Variants in SMARCA4 observed in about 807,000 individuals in gnomAD.
SMARCA4 encodes SWI/SNF-related matrix-associated actin-dependent regulator of chromatin subfamily A member 4.
In SMARCA4, 31 loss-of-function variants were observed where a neutral mutation model predicts 193.9. The observed-to-expected ratio is 0.16, with a 90% CI of 0.12 to 0.22. The LOEUF is 0.22. Ranked by LOEUF, SMARCA4 falls within the 10% of genes least tolerant of loss-of-function variation. The pLI, the probability that SMARCA4 is intolerant of heterozygous loss-of-function variation, is 1.00. For missense variants in SMARCA4, 1,148 were observed against 2,296.0 expected (o/e 0.50, Z 10.22); for synonymous variants, 942 against 933.1 (o/e 1.01, Z -0.17).
chr19:11,054,069 A>G (rs2076408172), intron 30 of SMARCA4, among the ~76,000 whole-genome samples: 1 of 152,324 alleles, frequency 6.6e-6, no homozygotes, highest in East Asian at 1.9e-4. Flanking sequence ...TCTGCACAAC[A>G]AGGAAACGTG....
chr19:10,961,567 C>G (rs537391587), intron 1 of SMARCA4: 2 of 152,324 alleles, frequency 1.3e-5, no homozygotes, highest in Non-Finnish European at 2.9e-5. Flanking sequence ...TGCGTGGTAA[C>G]GGGTCCGACC....
intron 21 of SMARCA4, among the ~76,000 whole-genome samples, chr19:11,024,766 G>A (rs2146482411): frequency 6.6e-6 from 1 of 152,224 alleles, no homozygotes; most frequent in South Asian, 2.1e-4. Flanking sequence ...GTCTCCTGCA[G>A]GGGCTGCTCT....
intron 1 of SMARCA4, among the ~76,000 whole-genome samples, chr19:10,974,178 C>T (rs932195032): frequency 1.3e-5 from 2 of 152,160 alleles, no homozygotes; most frequent in African/African-American, 4.8e-5. Context: ...TGCTGGTTAG[C>T]AACCTGCCCT....
At chr19:11,039,064 A>C (rs1207315022) in intron 29 of SMARCA4, among the ~76,000 whole-genome samples, 2 of 151,976 alleles carry the variant, frequency 1.3e-5, no homozygotes, top group East Asian at 3.9e-4. Flanking sequence ...TCTATTAAAA[A>C]AAAAAATGCC....
chr19:11,058,892 G>A lies in SMARCA4; in HGVS notation c.4635+3G>A, dbSNP rs1568562563. 6.2e-7 allele frequency: 1 copy of A among 1,612,724 alleles called. No individual in the cohort carries two copies. The highest frequency in any genetic ancestry group is 8.5e-7 in the Non-Finnish European group (1 of 1,178,900). On this transcript the variant is annotated splice_donor_region_variant and intron_variant, in intron 32 of 34. Transcript: ENST00000344626. The surrounding 1 kb of genome is among the most constrained non-coding windows in gnomAD (Gnocchi z 5.8). ...CCTTCAACCTGGAGGGCTCCCTGGTGAGGGCACCGCTGGGGGTTGGGGATG... is the reference window on the plus strand; with the variant it reads ...CCTTCAACCTGGAGGGCTCCCTGGTAAGGGCACCGCTGGGGGTTGGGGATG...
chr19:10,978,349 T>G (rs1371569572), intron 1 of SMARCA4, among the ~76,000 whole-genome samples: 2 of 152,114 alleles, frequency 1.3e-5, no homozygotes, highest in Non-Finnish European at 2.9e-5. Context: ...TTCTGTTTGT[T>G]GAGATGGAGG....
intron 1 of SMARCA4, among the ~76,000 whole-genome samples, chr19:10,971,541 G>A (rs924042670): frequency 6.6e-6 from 1 of 151,070 alleles, no homozygotes; most frequent in East Asian, 1.9e-4. Flanking sequence ...GTCACCCAGC[G>A]GGGAGTACAG....
chr19:11,020,280 G>A (rs2089743847), intron 18 of SMARCA4, among the ~76,000 whole-genome samples: 2 of 152,160 alleles, frequency 1.3e-5, no homozygotes, highest in Admixed American at 6.5e-5. Flanking sequence ...ATACGGCCCA[G>A]ATAGAAAACA....
chr19:11,007,773 T>C, intron 13 of SMARCA4, 129 bp from the exon 14 acceptor site: 1 of 857,900 alleles, frequency 1.2e-6, no homozygotes. Flanking sequence ...ACAGCACACA[T>C]TCCAGGATAG....
chr19:10,981,058 T>C (rs898151232), intron 1 of SMARCA4, among the ~76,000 whole-genome samples: 7 of 152,160 alleles, frequency 4.6e-5, no homozygotes, highest in Admixed American at 4.6e-4. Context: ...TGCTGTCAGT[T>C]TCAGTTTATT....
chr19:11,062,175 A>C lies in SMARCA4; in HGVS notation c.*359A>C. 2 of 406,782 alleles carry C rather than the reference A, an allele frequency of 4.9e-6. No homozygotes were observed. The highest frequency in any genetic ancestry group is 2.9e-5 in the South Asian group (1 of 35,004). 25.2% of individuals were successfully genotyped at this position (406,782 alleles called of 1,614,324 possible). ...ATGTGCGTCACCGTCCACTCCTCCTACTGTATTTTATTGGACAGGTCAGAC... is the reference window on the plus strand; with the variant it reads ...ATGTGCGTCACCGTCCACTCCTCCTCCTGTATTTTATTGGACAGGTCAGAC... On this transcript the variant is annotated 3_prime_UTR_variant, in exon 35 of 35. Transcript: ENST00000344626.
rs2145823390 is a variant in SMARCA4 at position 10,987,935 on chromosome 19, G to A, written c.1118+11G>A. On this transcript the variant is annotated intron_variant, in intron 6 of 34. Transcript: ENST00000344626. The surrounding 1 kb of genome is among the most constrained non-coding windows in gnomAD (Gnocchi z 5.3). Reference sequence around the variant, plus strand: ...GGAGCGCGAGTACAGGTGAGGGCGGGGCCCAGTTGCCAAGGTCACTGCCCT... The same window carrying A: ...GGAGCGCGAGTACAGGTGAGGGCGGAGCCCAGTTGCCAAGGTCACTGCCCT... 6.2e-7 allele frequency: 1 copy of A among 1,611,804 alleles called. No individual in the cohort carries two copies. The highest frequency in any genetic ancestry group is 8.5e-7 in the Non-Finnish European group (1 of 1,179,824).
At chr19:10,979,320 G>C (rs954020763) in intron 1 of SMARCA4, among the ~76,000 whole-genome samples, 1 of 151,888 alleles carries the variant, frequency 6.6e-6, no homozygotes, top group Non-Finnish European at 1.5e-5. Context: ...GTGCTGGCCA[G>C]AACCTGGTAG....
At position 11,061,671 on chromosome 19, in the gene SMARCA4, C is replaced by T. The variant is rs534833532; in HGVS notation, c.4912-113C>T. 3,740 of 1,058,456 alleles carry T rather than the reference C, an allele frequency of 3.5e-3. 47 individuals are homozygous for T. The highest frequency in any genetic ancestry group is 0.025 in the South Asian group (2,040 of 80,084). 65.6% of individuals were successfully genotyped at this position (1,058,456 alleles called of 1,614,324 possible). A position where few individuals can be genotyped will look rare whatever the true frequency, so the allele number is the denominator to read the frequency against. ...GATTACGGGCGTGAGCCACCGTGCC[C>T]GGCCCACATCAGTGTTTTCTTGAGC... On this transcript the variant is annotated intron_variant, in intron 34 of 34. Coordinates refer to ENST00000344626, the MANE Select transcript of SMARCA4 (RefSeq NM_003072.5).
chr19:11,038,411 G>T (rs1292731629), intron 29 of SMARCA4, among the ~76,000 whole-genome samples: 1 of 152,158 alleles, frequency 6.6e-6, no homozygotes, highest in African/African-American at 2.4e-5. Context: ...CCGCCGCTCC[G>T]CCCTGGGTCT....
At chr19:11,056,809 C>A (rs1361579600) in intron 30 of SMARCA4, among the ~76,000 whole-genome samples, 2 of 152,226 alleles carry the variant, frequency 1.3e-5, no homozygotes, top group Non-Finnish European at 2.9e-5. Context: ...CGAGCAGCTT[C>A]CTGGAGGCAA....
chr19:11,025,370 C>T lies in SMARCA4; in HGVS notation c.3082-52C>T, dbSNP rs2090177799. The T allele has an allele frequency of 2.0e-5, 26 of 1,309,446 alleles. 1 individual carries two copies. In the South Asian group the frequency reaches 2.6e-4, roughly 13 times the overall value. 81.1% of individuals were successfully genotyped at this position (1,309,446 alleles called of 1,614,324 possible). A position where few individuals can be genotyped will look rare whatever the true frequency, so the allele number is the denominator to read the frequency against. The stretch of plus-strand genomic sequence containing the variant: ...ACACCCACCCATCCACCAAGCCCAC[C>T]CCACCCCAGGAGGGCAAGACCCCAT... On this transcript the variant is annotated intron_variant, in intron 21 of 34. Coordinates refer to ENST00000344626, the MANE Select transcript of SMARCA4 (RefSeq NM_003072.5).
At chr19:10,962,909 A>C (rs1743302721) in intron 1 of SMARCA4, among the ~76,000 whole-genome samples, 1 of 151,954 alleles carries the variant, frequency 6.6e-6, no homozygotes, top group Non-Finnish European at 1.5e-5. Flanking sequence ...TCATACATCA[A>C]CTTGGTCCTT....
intron 9 of SMARCA4, chr19:10,995,958 A>G (rs1256276793): frequency 3.5e-6 from 2 of 564,246 alleles, no homozygotes; most frequent in Admixed American, 4.9e-5. Flanking sequence ...CAGAGTGGGT[A>G]GGACTGGCTC....
Sources: gnomAD v4.1 joint callset for allele counts (sites outside exome capture counted in the v4.1 genomes callset) on GRCh38, gnomAD v4.1.1 for gene constraint, Gnocchi (gnomAD v3.1) non-coding constraint, MANE v1.5 for transcripts, NCBI Gene and HGNC (gene_info 2026-07-23, HGNC 2026-07-21) for gene names.